The following ALDH1A2 variants were observed in gnomAD, a reference collection of about 807,000 sequenced individuals.
ALDH1A2 encodes the protein retinal dehydrogenase 2.
In ALDH1A2, 27 loss-of-function variants were observed where a neutral mutation model predicts 60.3. That is an observed-to-expected ratio of 0.45 (90% confidence interval 0.33 to 0.62). The LOEUF (loss-of-function observed/expected upper bound fraction) is 0.62. Ranked by LOEUF, ALDH1A2 falls within the 20% of genes least tolerant of loss-of-function variation. ALDH1A2 has a pLI of 0.02. For missense variants in ALDH1A2, 581 were observed against 643.8 expected (o/e 0.90, Z 1.06); for synonymous variants, 289 against 232.4 (o/e 1.24, Z -2.21).
chr15:58,064,659 A>G (rs1230086314), intron 1 of ALDH1A2, among the ~76,000 whole-genome samples: 1 of 152,188 alleles, frequency 6.6e-6, no homozygotes, highest in African/African-American at 2.4e-5. Context: ...GTGGTTTTCA[A>G]TCCCATCTCT....
In ALDH1A2 at chr15:58,019,627, T is replaced by C. The variant is rs765295715; in HGVS notation, c.118-5346A>G. Among the ~76,000 whole-genome samples, 22 of 152,294 alleles carry C rather than the reference T, an allele frequency of 1.4e-4. No individual in the cohort carries two copies. In the South Asian group the frequency reaches 2.1e-3, roughly 14 times the overall value. On this transcript the variant is annotated intron_variant, in intron 1 of 12. Transcript: ENST00000249750. Reference sequence around the variant, plus strand: ...CATAAAAGAAGGCACCTATCTAATCTAGGTTTCTCAGAGGTTGGAGGGATT... The same window carrying C: ...CATAAAAGAAGGCACCTATCTAATCCAGGTTTCTCAGAGGTTGGAGGGATT...
In ALDH1A2 at chr15:57,954,052, C is replaced by G. The variant is rs1214559833; in HGVS notation, c.*1145G>C. 6.6e-6 allele frequency: 1 copy of G among 152,402 alleles called. No homozygotes were observed. The highest frequency in any genetic ancestry group is 1.5e-5 in the Non-Finnish European group (1 of 68,082). 9.4% of individuals were successfully genotyped at this position (152,402 alleles called of 1,614,324 possible). ...GCAAGAATGGGGTGTGACAGAGGAG[C>G]TCAGTGGAGCACGGCAGTCCTGGCA... On this transcript the variant is annotated 3_prime_UTR_variant, in exon 13 of 13. Coordinates refer to ENST00000249750, the MANE Select transcript of ALDH1A2 (RefSeq NM_003888.4).
At chr15:58,027,733 C>T (rs1196637683) in intron 1 of ALDH1A2, among the ~76,000 whole-genome samples, 1 of 151,938 alleles carries the variant, frequency 6.6e-6, no homozygotes, top group Non-Finnish European at 1.5e-5. Flanking sequence ...AACCATGGCA[C>T]CAGAACTTCG....
chr15:58,003,442 T>C (rs1440796911), intron 4 of ALDH1A2, among the ~76,000 whole-genome samples: 2 of 151,962 alleles, frequency 1.3e-5, no homozygotes, highest in African/African-American at 4.8e-5. Context: ...TCCTATTCTT[T>C]AACAGGTTAA....
At chr15:57,969,718 G>A (rs1025229659) in intron 7 of ALDH1A2, among the ~76,000 whole-genome samples, 5 of 152,156 alleles carry the variant, frequency 3.3e-5, no homozygotes, top group Non-Finnish European at 7.3e-5. Flanking sequence ...ATTAAATCCT[G>A]TATATGATGT....
At chr15:58,030,212 C>G (rs1896196769) in intron 1 of ALDH1A2, among the ~76,000 whole-genome samples, 1 of 152,154 alleles carries the variant, frequency 6.6e-6, no homozygotes, top group South Asian at 2.1e-4. Context: ...GGCTTCATCC[C>G]TGGGATGCAA....
At chr15:58,009,909 A>T (rs911682769) in intron 4 of ALDH1A2, among the ~76,000 whole-genome samples, 1 of 152,114 alleles carries the variant, frequency 6.6e-6, no homozygotes, top group African/African-American at 2.4e-5. Context: ...GTATTCAAGC[A>T]CAGATAAAAA....
intron 1 of ALDH1A2, among the ~76,000 whole-genome samples, chr15:58,023,068 C>T (rs1234146291): frequency 2.0e-5 from 3 of 151,878 alleles, no homozygotes; most frequent in African/African-American, 7.3e-5. Context: ...TAGTGAGATA[C>T]AAGTGAATTC....
At chr15:57,972,974 T>A (rs1365861454) in intron 7 of ALDH1A2, among the ~76,000 whole-genome samples, 3 of 152,140 alleles carry the variant, frequency 2.0e-5, no homozygotes, top group Non-Finnish European at 4.4e-5. Flanking sequence ...TCATGCAACA[T>A]GACATTTATC....
intron 1 of ALDH1A2, among the ~76,000 whole-genome samples, chr15:58,024,895 C>T (rs529341780): frequency 6.0e-4 from 91 of 152,200 alleles, no homozygotes; most frequent in African/African-American, 1.8e-3. Context: ...ACTCTGGAAA[C>T]GATACAAATA....
intron 1 of ALDH1A2, among the ~76,000 whole-genome samples, chr15:58,027,883 G>A (rs1896121785): frequency 6.6e-6 from 1 of 152,086 alleles, no homozygotes; most frequent in Admixed American, 6.5e-5. Flanking sequence ...AAGCCTCCAA[G>A]AAATATGGGA....
chr15:58,062,780 T>A (rs564218331), intron 1 of ALDH1A2, among the ~76,000 whole-genome samples: 1 of 152,328 alleles, frequency 6.6e-6, no homozygotes, highest in East Asian at 1.9e-4. Context: ...AATAGACATG[T>A]TCCAAAAATG....
intron 7 of ALDH1A2, among the ~76,000 whole-genome samples, chr15:57,968,187 C>T (rs1181822140): frequency 6.6e-6 from 1 of 152,182 alleles, no homozygotes; most frequent in Non-Finnish European, 1.5e-5. Context: ...GCTTTCTCAA[C>T]AAGACAATTA....
intron 1 of ALDH1A2, among the ~76,000 whole-genome samples, chr15:58,060,345 C>A (rs79998221): frequency 0.061 from 9,252 of 152,058 alleles, 337 homozygotes; most frequent in Non-Finnish European, 0.088. Context: ...ATGCCACTTA[C>A]TTTAACACAC....
At chr15:58,046,434 A>T (rs1896642168) in intron 1 of ALDH1A2, among the ~76,000 whole-genome samples, 1 of 152,052 alleles carries the variant, frequency 6.6e-6, no homozygotes, top group Non-Finnish European at 1.5e-5. Context: ...AAACAAAGTA[A>T]AGAAAAATCA....
intron 1 of ALDH1A2, among the ~76,000 whole-genome samples, chr15:58,029,494 C>T (rs1372083546): frequency 8.6e-5 from 13 of 150,654 alleles, no homozygotes; most frequent in African/African-American, 3.2e-4. Flanking sequence ...ACTAGAGAAG[C>T]AACAGCAAAC....
intron 4 of ALDH1A2, among the ~76,000 whole-genome samples, chr15:58,002,752 A>G (rs1895316673): frequency 6.6e-6 from 1 of 151,942 alleles, no homozygotes; most frequent in African/African-American, 2.4e-5. Flanking sequence ...CAGTGAATGA[A>G]GGTCATCTTC....
chr15:58,059,889 T>C (rs1395037074), intron 1 of ALDH1A2, among the ~76,000 whole-genome samples: 1 of 152,154 alleles, frequency 6.6e-6, no homozygotes, highest in East Asian at 1.9e-4. Context: ...ATTAAAAGAA[T>C]ACATAAAACA....
At chr15:57,971,517 C>T (rs941899125) in intron 7 of ALDH1A2, among the ~76,000 whole-genome samples, 17 of 152,134 alleles carry the variant, frequency 1.1e-4, no homozygotes, top group African/African-American at 4.1e-4. Context: ...CCTTGAAATT[C>T]TGAGTTCAAG....
Sources: gnomAD v4.1 joint callset for allele counts (sites outside exome capture counted in the v4.1 genomes callset) on GRCh38, gnomAD v4.1.1 for gene constraint, MANE v1.5 for transcripts, NCBI Gene and HGNC (gene_info 2026-07-23, HGNC 2026-07-21) for gene names.